Variants in PINLYP observed in about 807,000 individuals in gnomAD.
PINLYP encodes phospholipase A2 inhibitor and Ly6/PLAUR domain-containing protein.
In PINLYP, 12 loss-of-function variants were observed where a neutral mutation model predicts 15.8. The ratio of observed to expected loss-of-function variants is 0.76; its 90% CI spans 0.49 to 1.23. The LOEUF is 1.23. Ranked by LOEUF, PINLYP falls within the 50% of genes most tolerant of loss-of-function variation. The pLI is 0.00. For missense variants in PINLYP, 278 were observed against 264.2 expected (o/e 1.05, Z -0.36); for synonymous variants, 93 against 97.7 (o/e 0.95, Z 0.28).
At chr19:43,579,999 A>G (rs958086129) in intron 3 of PINLYP, among the ~76,000 whole-genome samples, 2 of 152,082 alleles carry the variant, frequency 1.3e-5, no homozygotes, top group Non-Finnish European at 2.9e-5. Context: ...AATGGAAGAG[A>G]CCAGTGGGGG....
chr19:43,579,236 A>G (rs1446855802), intron 3 of PINLYP: 1 of 161,662 alleles, frequency 6.2e-6, no homozygotes, highest in Non-Finnish European at 1.4e-5. Flanking sequence ...ACCTTGAAGT[A>G]TGGAGCAAAT....
intron 2 of PINLYP, among the ~76,000 whole-genome samples, chr19:43,577,672 G>A (rs1379967924): frequency 2.0e-5 from 3 of 151,948 alleles, no homozygotes; most frequent in Admixed American, 6.6e-5. Flanking sequence ...AGAGGCCGAG[G>A]CAGGTGGATC....
upstream of PINLYP, chr19:43,575,723 C>T: frequency 2.7e-6 from 1 of 374,702 alleles, no homozygotes; most frequent in Non-Finnish European, 4.8e-6. Flanking sequence ...ACACACAACC[C>T]CGCTCTAGCC....
At chr19:43,581,945 C>T (rs1461937351) in exon 6 of PINLYP, 1 of 1,536,384 alleles carries the variant, frequency 6.5e-7, no homozygotes, top group East Asian at 2.4e-5. Context: ...TGCTGAAGTA[C>T]CCACAGGCAC....
chr19:43,582,075 C>T, exon 6 of PINLYP: 1 of 1,492,226 alleles, frequency 6.7e-7, no homozygotes, highest in Non-Finnish European at 9.0e-7. Context: ...TCCCCGTGTG[C>T]CTATAAAGAA....
chr19:43,578,002 C>T (rs1330494776), intron 2 of PINLYP, among the ~76,000 whole-genome samples: 10 of 152,162 alleles, frequency 6.6e-5, no homozygotes, highest in Non-Finnish European at 1.5e-5. Context: ...CCCCAGCCCC[C>T]TCCTCCCCTG....
intron 1 of PINLYP, 80 bp downstream of exon 1, chr19:43,576,999 G>A (rs1052683949): frequency 9.7e-7 from 1 of 1,026,976 alleles, no homozygotes; most frequent in African/African-American, 1.6e-5. Context: ...TCTCCATGGA[G>A]GTGGGGGGCT....
At chr19:43,581,452 C>G in intron 4 of PINLYP, 88 bp downstream of exon 4, 1 of 1,515,384 alleles carries the variant, frequency 6.6e-7, no homozygotes, top group Admixed American at 2.0e-5. Flanking sequence ...TGTTTCCTTA[C>G]CTGTAAAATG....
chr19:43,581,306 C>A (rs1212099082), exon 4 of PINLYP: 2 of 1,537,064 alleles, frequency 1.3e-6, no homozygotes, highest in Admixed American at 3.9e-5. Context: ...CCAAGGACCA[C>A]ATGGTAACCA....
At chr19:43,581,028 G>C in intron 3 of PINLYP, 184 bp from the exon 4 acceptor site, 1 of 676,408 alleles carries the variant, frequency 1.5e-6, no homozygotes, top group Non-Finnish European at 2.3e-6. Flanking sequence ...CCAAGATCGC[G>C]CCATTGCACT....
exon 6 of PINLYP, chr19:43,582,086 G>T (rs183763819): frequency 1.7e-5 from 24 of 1,450,854 alleles, no homozygotes; most frequent in Non-Finnish European, 2.2e-5. Flanking sequence ...CTATAAAGAA[G>T]TTAATAGAGC....
exon 1 of PINLYP, among the ~76,000 whole-genome samples, chr19:43,576,400 T>C (rs1413049696): frequency 2.6e-5 from 4 of 151,854 alleles, no homozygotes; most frequent in African/African-American, 9.7e-5. Context: ...GCAGATCTCT[T>C]TCAGCCTTAT....
At chr19:43,581,760 G>C in intron 5 of PINLYP, 57 bp downstream of exon 5, 2 of 1,534,496 alleles carry the variant, frequency 1.3e-6, no homozygotes, top group South Asian at 2.4e-5. Context: ...CAAACTTCTA[G>C]GTTCGATGGG....
At chr19:43,575,562 G>T, upstream of PINLYP, 1 of 1,285,416 alleles carries the variant, frequency 7.8e-7, no homozygotes, top group Non-Finnish European at 1.1e-6. Flanking sequence ...GCTGGCTAAA[G>T]TGCGCAAGCG....
At chr19:43,577,236 G>A in exon 2 of PINLYP, 2 of 1,536,044 alleles carry the variant, frequency 1.3e-6, no homozygotes, top group South Asian at 2.4e-5. Flanking sequence ...TGGCCTTTGT[G>A]TTGCTCTGCA....
At chr19:43,581,824 A>G (rs750071263) in intron 5 of PINLYP, 44 bp from the exon 6 acceptor site, 1 of 1,535,756 alleles carries the variant, frequency 6.5e-7, no homozygotes. Context: ...TATGAGGAAG[A>G]AGGGGCTGAG....
chr19:43,576,511 C>T (rs1972866085), exon 1 of PINLYP, among the ~76,000 whole-genome samples: 1 of 152,192 alleles, frequency 6.6e-6, no homozygotes, highest in Non-Finnish European at 1.5e-5. Flanking sequence ...TCCTGGAGTT[C>T]TTCCACAAAA....
chr19:43,581,914 T>C (rs1332540865), exon 6 of PINLYP: 9 of 1,536,368 alleles, frequency 5.9e-6, no homozygotes, highest in Non-Finnish European at 7.8e-6. Flanking sequence ...CTACAGAGAG[T>C]ATGTGCTTTA....
exon 5 of PINLYP, chr19:43,581,629 A>C (rs148400638): frequency 3.1e-5 from 48 of 1,536,450 alleles, no homozygotes; most frequent in African/African-American, 4.1e-5. Context: ...TTCAGGGACA[A>C]ATGCATGGGG....
Sources: gnomAD v4.1 joint callset for allele counts (sites outside exome capture counted in the v4.1 genomes callset) on GRCh38, gnomAD v4.1.1 for gene constraint, MANE v1.5 for transcripts, NCBI Gene and HGNC (gene_info 2026-07-23, HGNC 2026-07-21) for gene names.